Variants in MTMR7 observed in about 807,000 individuals in gnomAD.
The protein encoded by MTMR7 is phosphatidylinositol-3-phosphate phosphatase MTMR7.
Under a neutral mutation model 81.2 loss-of-function variants are expected in MTMR7, and 76 were observed. The ratio of observed to expected loss-of-function variants is 0.94; its 90% CI spans 0.78 to 1.13. The LOEUF is 1.13. MTMR7 is among the 50% of genes most tolerant of loss of function. The pLI, the probability that MTMR7 is intolerant of heterozygous loss-of-function variation, is 0.00. For missense variants in MTMR7, 1,044 were observed against 820.0 expected (o/e 1.27, Z -3.34); for synonymous variants, 372 against 289.8 (o/e 1.28, Z -2.88).
intron 1 of MTMR7, among the ~76,000 whole-genome samples, chr8:17,402,427 T>G (rs1201595205): frequency 6.6e-6 from 1 of 152,168 alleles, no homozygotes; most frequent in Non-Finnish European, 1.5e-5. Context: ...TTCCCCAGCC[T>G]CTGATAACCA....
intron 13 of MTMR7, among the ~76,000 whole-genome samples, chr8:17,300,665 T>G (rs1044062405): frequency 6.6e-6 from 1 of 152,226 alleles, no homozygotes; most frequent in Non-Finnish European, 1.5e-5. Context: ...TTCAGTGGTT[T>G]TTAGTTATAT....
chr8:17,310,622 G>T (rs1022557114), intron 9 of MTMR7, among the ~76,000 whole-genome samples: 18 of 152,108 alleles, frequency 1.2e-4, no homozygotes, highest in African/African-American at 4.3e-4. Flanking sequence ...ATCACTTTGA[G>T]GTGTCAATGC....
At chr8:17,304,640 T>C in intron 11 of MTMR7, 121 bp from the exon 12 acceptor site, 1 of 984,838 alleles carries the variant, frequency 1.0e-6, no homozygotes, top group Non-Finnish European at 1.5e-6. Flanking sequence ...GTCTGTTCGA[T>C]AGCAGGTAAA....
At chr8:17,310,866 G>C (rs1348067896) in intron 9 of MTMR7, among the ~76,000 whole-genome samples, 1 of 152,036 alleles carries the variant, frequency 6.6e-6, no homozygotes, top group South Asian at 2.1e-4. Flanking sequence ...TTCATTTTAA[G>C]GAACTTATAC....
At chr8:17,346,576 ATTCTCT>A (rs1421344804) in intron 5 of MTMR7, among the ~76,000 whole-genome samples, 2 of 152,102 alleles carry the variant, frequency 1.3e-5, no homozygotes, top group African/African-American at 4.8e-5. Flanking sequence ...ACTGCTAAAA[ATTCTCT>A]TTCTGAGACA....
chr8:17,356,638 C>G (rs2150553682), intron 4 of MTMR7, among the ~76,000 whole-genome samples: 1 of 152,142 alleles, frequency 6.6e-6, no homozygotes, highest in East Asian at 1.9e-4. Context: ...TGCTTGAACC[C>G]AGGAGGCAGA....
At chr8:17,363,883 G>T (rs1820133505) in intron 3 of MTMR7, among the ~76,000 whole-genome samples, 1 of 147,180 alleles carries the variant, frequency 6.8e-6, no homozygotes, top group East Asian at 2.0e-4. Context: ...AGAATGTTTA[G>T]CAATTAGCTG....
chr8:17,400,777 T>C (rs942161519), intron 1 of MTMR7, among the ~76,000 whole-genome samples: 5 of 152,232 alleles, frequency 3.3e-5, no homozygotes, highest in African/African-American at 7.2e-5. Context: ...ATAAGTTTGC[T>C]GGAATGAAGC....
intron 1 of MTMR7, among the ~76,000 whole-genome samples, chr8:17,377,923 G>T (rs1820637681): frequency 1.3e-5 from 2 of 152,142 alleles, no homozygotes; most frequent in Admixed American, 1.3e-4. Context: ...TAAGGGGATA[G>T]AAACTTTATT....
Position 17,331,282 on chromosome 8 carries a change from G to C in MTMR7, c.733C>G (p.Leu245Val). ...GCAGCACGATTTGCCATTGCATTAA[G>C]CTGCAGTGGTCAGCAAAACAGAACA... ...FVYVVDTRPK[L>V]NAMANRAAGK... Residue 245 changes from leucine to valine, a missense_variant and splice_region_variant, in exon 7 of 14, where the codon CTT (leucine) becomes GTT (valine). Transcript: ENST00000180173. The C allele has an allele frequency of 6.3e-7, 1 of 1,593,680 alleles. No homozygotes were observed. The highest frequency in any genetic ancestry group is 8.5e-7 in the Non-Finnish European group (1 of 1,173,212).
chr8:17,375,301 C>T (rs1213253033), intron 1 of MTMR7, among the ~76,000 whole-genome samples: 2 of 151,992 alleles, frequency 1.3e-5, no homozygotes, highest in African/African-American at 4.8e-5. Flanking sequence ...CTAGAGGGTC[C>T]CATCTCACTT....
At position 17,385,670 on chromosome 8, in the gene MTMR7, T is replaced by C. The variant is rs529439444; in HGVS notation, c.25-12430A>G. Among the ~76,000 whole-genome samples the C allele has an allele frequency of 7.9e-4, 120 of 152,290 alleles. 1 individual carries two copies. Among genetic ancestry groups the C allele is most frequent in the African/African-American group, 2.7e-3 (114 of 41,574 alleles). On this transcript the variant is annotated intron_variant, in intron 1 of 13. Coordinates refer to ENST00000180173, the MANE Select transcript of MTMR7 (RefSeq NM_004686.5). ...CACTAATATAGTACTGTCCTCACGA[T>C]GGTGAGTTCATTCTCAGGAGATGTG...
Position 17,343,973 on chromosome 8 carries a change from A to T in MTMR7, c.598-2476T>A, listed in dbSNP as rs946628314. Among the ~76,000 whole-genome samples, 3 of 152,338 alleles carry T rather than the reference A, an allele frequency of 2.0e-5. No individual in the cohort carries two copies. The East Asian group carries it at 5.8e-4, about 29-fold the overall frequency. On this transcript the variant is annotated intron_variant, in intron 5 of 13. Transcript: ENST00000180173. ...ACTCTTCAGTTGTAAACCGGAAGGG[A>T]TAGCGCTCATTTACAATGCTACTAA... is the stretch of plus-strand genomic sequence containing the variant.
At chr8:17,328,884 A>C (rs1022388392) in intron 7 of MTMR7, among the ~76,000 whole-genome samples, 2 of 152,220 alleles carry the variant, frequency 1.3e-5, no homozygotes, top group African/African-American at 4.8e-5. Context: ...TACAGATCCC[A>C]CAAAAATAGT....
intron 1 of MTMR7, among the ~76,000 whole-genome samples, chr8:17,384,314 A>C (rs1407727863): frequency 6.6e-6 from 1 of 152,104 alleles, no homozygotes; most frequent in Non-Finnish European, 1.5e-5. Flanking sequence ...AGGAGGCTGA[A>C]GTGGGCAGAT....
intron 9 of MTMR7, among the ~76,000 whole-genome samples, chr8:17,310,428 G>C (rs530631690): frequency 3.9e-5 from 6 of 152,262 alleles, no homozygotes; most frequent in African/African-American, 1.2e-4. Flanking sequence ...TTGACAACTC[G>C]AGACATTTTC....
intron 1 of MTMR7, among the ~76,000 whole-genome samples, chr8:17,406,263 T>C (rs1448445977): frequency 6.6e-6 from 1 of 152,168 alleles, no homozygotes; most frequent in Non-Finnish European, 1.5e-5. Context: ...GACTAAGGAT[T>C]TGTATCCAGA....
intron 3 of MTMR7, among the ~76,000 whole-genome samples, chr8:17,363,365 A>G (rs1214287147): frequency 1.3e-5 from 2 of 152,230 alleles, no homozygotes; most frequent in African/African-American, 2.4e-5. Context: ...TGGGGTAATA[A>G]TGGCAGTTAA....
At position 17,313,870 on chromosome 8, in the gene MTMR7, G is replaced by A. The variant is rs1217239703; in HGVS notation, c.866-469C>T. On this transcript the variant is annotated intron_variant, in intron 7 of 13. Transcript: ENST00000180173. ...CTGTTGTAAAAACACAAGACAGAGCGATCCTAAATTTCTTAAATGAAAATG... is the reference window on the plus strand; with the variant it reads ...CTGTTGTAAAAACACAAGACAGAGCAATCCTAAATTTCTTAAATGAAAATG... Among the ~76,000 whole-genome samples, 6 of 152,090 alleles carry A rather than the reference G, an allele frequency of 3.9e-5. 1 individual carries two copies. The highest frequency in any genetic ancestry group is 4.1e-4 in the South Asian group (2 of 4,824).
Sources: allele counts gnomAD v4.1 joint callset (sites outside exome capture counted in the v4.1 genomes callset), GRCh38; gene constraint gnomAD v4.1.1; transcripts MANE v1.5; gene names NCBI Gene and HGNC (gene_info 2026-07-23, HGNC 2026-07-21).